Variants in FGD4 observed in about 807,000 individuals in gnomAD.
FGD4 encodes FYVE, RhoGEF and PH domain containing 4.
Under a neutral mutation model 102.0 loss-of-function variants are expected in FGD4, and 42 were observed. That is an observed-to-expected ratio of 0.41 (90% CI 0.32 to 0.53). FGD4 has a LOEUF of 0.53. Among genes scored for constraint, FGD4 ranks in the 20% least tolerant of loss-of-function variants. FGD4 has a pLI of 0.21. For synonymous variants in FGD4, 380 were observed against 375.7 expected (o/e 1.01, Z -0.13); for missense variants, 902 against 1,078.2 (o/e 0.84, Z 2.29).
chr12:32,610,964 T>C (rs913892669), intron 9 of FGD4, 130 bp downstream of exon 9: 2 of 1,266,838 alleles, frequency 1.6e-6, no homozygotes, highest in Middle Eastern at 2.0e-4. Flanking sequence ...ATGAAATGTT[T>C]AATGTTATCT....
intron 1 of FGD4, among the ~76,000 whole-genome samples, chr12:32,519,120 A>G (rs111554102): frequency 0.39 from 29,524 of 75,834 alleles, 2,660 homozygotes; most frequent in Middle Eastern, 0.5. Context: ...CCGTCTCAGG[A>G]AAAAAAAAAA....
At chr12:32,560,795 A>T (rs1944479281) in intron 1 of FGD4, among the ~76,000 whole-genome samples, 1 of 151,052 alleles carries the variant, frequency 6.6e-6, no homozygotes, top group Non-Finnish European at 1.5e-5. Flanking sequence ...TGGGCTCAAG[A>T]GATCCTCTCA....
At chr12:32,536,995 A>C (rs1405760458) in intron 1 of FGD4, among the ~76,000 whole-genome samples, 1 of 146,270 alleles carries the variant, frequency 6.8e-6, no homozygotes, top group African/African-American at 2.6e-5. Flanking sequence ...GCTAAGCTCC[A>C]CCTCCGGGGT....
rs141552028 is a variant in FGD4 at position 32,454,709 on chromosome 12, A to G, written c.166+54750A>G. 6.1e-3 allele frequency among the ~76,000 whole-genome samples: 929 copies of G among 152,320 alleles called. 15 individuals carry two copies. Among genetic ancestry groups the G allele is most frequent in the African/African-American group, 0.021 (887 of 41,570 alleles). On this transcript the variant is annotated intron_variant, in intron 1 of 16. Transcript: ENST00000534526. ...TAGTTTTGTTTTACTTTTAAAAATT[A>G]AATTCAATAGGATCATAAAGCATGC... is the stretch of plus-strand genomic sequence containing the variant.
intron 1 of FGD4, among the ~76,000 whole-genome samples, chr12:32,484,961 A>G (rs1943852882): frequency 6.6e-6 from 1 of 152,212 alleles, no homozygotes; most frequent in African/African-American, 2.4e-5. Context: ...GTATGGTGGT[A>G]TGATAGTAGC....
chr12:32,599,534 CTTTTT>C (rs764106230), intron 5 of FGD4, among the ~76,000 whole-genome samples: 6 of 35,356 alleles, frequency 1.7e-4, no homozygotes, highest in Admixed American at 6.4e-4. Flanking sequence ...ACTAAGGCAT[CTTTTT>C]TTTTTTTTTT....
chr12:32,579,196 C>A (rs1161176075), intron 3 of FGD4, among the ~76,000 whole-genome samples: 1 of 151,908 alleles, frequency 6.6e-6, no homozygotes, highest in Non-Finnish European at 1.5e-5. Flanking sequence ...ACAAGGCATG[C>A]ACCACCACGC....
rs539532043 is a variant in FGD4 at position 32,486,065 on chromosome 12, A to G, written c.167-78072A>G. 43 of 1,510,626 alleles carry G rather than the reference A, an allele frequency of 2.8e-5. No individual in the cohort carries two copies. The South Asian group carries it at 5.0e-4, about 18-fold the overall frequency. 93.6% of individuals were successfully genotyped at this position (1,510,626 alleles called of 1,614,324 possible). A position where few individuals can be genotyped will look rare whatever the true frequency, so the allele number is the denominator to read the frequency against. On this transcript the variant is annotated intron_variant, in intron 1 of 16. Transcript: ENST00000534526. ...GTTTCTACCAACAAATTATGGATCC[A>G]AATCCTTGCTCCAGAAGCAGGAAAT...
chr12:32,572,514 A>G (rs1399264901), intron 2 of FGD4, among the ~76,000 whole-genome samples: 1 of 152,214 alleles, frequency 6.6e-6, no homozygotes, highest in Non-Finnish European at 1.5e-5. Context: ...TAAATAATTG[A>G]AATACCAAGA....
At chr12:32,440,517 C>G (rs2136454314) in intron 1 of FGD4, among the ~76,000 whole-genome samples, 1 of 152,326 alleles carries the variant, frequency 6.6e-6, no homozygotes, top group East Asian at 1.9e-4. Flanking sequence ...GTCCCTGTCT[C>G]TGTTCTGAGC....
At chr12:32,468,415 A>T (rs529239705) in intron 1 of FGD4, among the ~76,000 whole-genome samples, 1 of 152,176 alleles carries the variant, frequency 6.6e-6, no homozygotes, top group Non-Finnish European at 1.5e-5. Flanking sequence ...GTAGCAGCTT[A>T]TGATGTTGTT....
intron 1 of FGD4, among the ~76,000 whole-genome samples, chr12:32,462,408 A>T (rs1321403956): frequency 6.6e-6 from 1 of 151,542 alleles, no homozygotes; most frequent in Non-Finnish European, 1.5e-5. Flanking sequence ...CAATCTGCCC[A>T]CCTCAGCCTC....
At chr12:32,565,029 A>G (rs1048964439) in intron 2 of FGD4, among the ~76,000 whole-genome samples, 1 of 152,210 alleles carries the variant, frequency 6.6e-6, no homozygotes, top group Non-Finnish European at 1.5e-5. Flanking sequence ...AGTGAATGCT[A>G]AACAGATATG....
intron 1 of FGD4, among the ~76,000 whole-genome samples, chr12:32,473,350 A>G (rs1285258669): frequency 6.7e-6 from 1 of 148,472 alleles, no homozygotes; most frequent in Non-Finnish European, 1.5e-5. Context: ...TATGAGCTGT[A>G]ACACTCACCG....
chr12:32,534,026 G>T (rs1012529690), intron 1 of FGD4, among the ~76,000 whole-genome samples: 1 of 152,152 alleles, frequency 6.6e-6, no homozygotes, highest in Non-Finnish European at 1.5e-5. Flanking sequence ...TTTGGTCCAG[G>T]GCAGGAGCCC....
chr12:32,458,327 T>C (rs2136488938), intron 1 of FGD4, among the ~76,000 whole-genome samples: 1 of 151,958 alleles, frequency 6.6e-6, no homozygotes, highest in East Asian at 1.9e-4. Flanking sequence ...TACGCCACCA[T>C]GCTCATTTTT....
At chr12:32,576,966 C>T (rs368536804) in intron 3 of FGD4, among the ~76,000 whole-genome samples, 2 of 152,070 alleles carry the variant, frequency 1.3e-5, no homozygotes, top group Admixed American at 6.6e-5. Context: ...TCTCCATATA[C>T]TCCATCATAT....
chr12:32,572,824 T>G (rs1026127290), intron 2 of FGD4, among the ~76,000 whole-genome samples: 3 of 152,246 alleles, frequency 2.0e-5, no homozygotes, highest in African/African-American at 7.2e-5. Flanking sequence ...GTATATGTGT[T>G]TATGTCAGTT....
intron 1 of FGD4, among the ~76,000 whole-genome samples, chr12:32,416,472 C>T (rs533078742): frequency 5.9e-5 from 9 of 152,166 alleles, no homozygotes; most frequent in South Asian, 2.1e-4. Flanking sequence ...TCCAATGTTA[C>T]GCTTTAATTT....
Sources: gnomAD v4.1 joint callset for allele counts (sites outside exome capture counted in the v4.1 genomes callset) on GRCh38, gnomAD v4.1.1 for gene constraint, MANE v1.5 for transcripts, NCBI Gene and HGNC (gene_info 2026-07-23, HGNC 2026-07-21) for gene names.